The following NBN variants were observed in gnomAD, a reference collection of about 807,000 sequenced individuals.
NBN encodes nibrin, also known as Nijmegen breakage syndrome 1 (nibrin).
A neutral mutation model predicts 90.8 loss-of-function variants in NBN; 88 were observed. The ratio of observed to expected loss-of-function variants is 0.97; its 90% CI spans 0.82 to 1.16. NBN has a LOEUF of 1.16. Ranked by LOEUF, NBN falls within the 50% of genes most tolerant of loss-of-function variation. NBN has a pLI of 0.00. For synonymous variants in NBN, 328 were observed against 295.1 expected, an observed-to-expected ratio of 1.11 and a Z score of -1.14; for missense variants, 894 against 869.6, an observed-to-expected ratio of 1.03 and a Z score of -0.35.
At chr8:89,942,242 A>G (rs1809983768) in intron 14 of NBN, among the ~76,000 whole-genome samples, 1 of 152,194 alleles carries the variant, frequency 6.6e-6, no homozygotes, top group Non-Finnish European at 1.5e-5. Context: ...TGAAGTTTCT[A>G]ATGATAAGCC....
chr8:89,934,758 C>A lies in NBN; in HGVS notation c.*824G>T, dbSNP rs1809586066. 2 of 233,152 alleles carry A rather than the reference C, an allele frequency of 8.6e-6. No individual in the cohort carries two copies. The highest frequency in any genetic ancestry group is 1.8e-4 in the South Asian group (1 of 5,520). 14.4% of individuals were successfully genotyped at this position (233,152 alleles called of 1,614,324 possible). A position where few individuals can be genotyped will look rare whatever the true frequency, so the allele number is the denominator to read the frequency against. ...TCAATAAAGTTTGAAAAAAGACATT[C>A]ATTGTTTCTTACCATCTCCCTTTAA... On this transcript the variant is annotated 3_prime_UTR_variant, in exon 16 of 16. Coordinates refer to ENST00000265433, the MANE Select transcript of NBN (RefSeq NM_002485.5).
chr8:89,984,196 G>A (rs544704193), intron 1 of NBN: 8 of 458,020 alleles, frequency 1.7e-5, no homozygotes, highest in Non-Finnish European at 3.2e-5. Flanking sequence ...CTAGGCGCCT[G>A]CTGCCGCTTA....
chr8:89,940,263 G>GT (rs749458934), intron 14 of NBN, among the ~76,000 whole-genome samples: 3 of 151,660 alleles, frequency 2.0e-5, no homozygotes, highest in African/African-American at 7.3e-5. Flanking sequence ...AATTTGTTGT[G>GT]TTTTTTTGTT....
chr8:89,954,199 T>A (rs1810590218), intron 10 of NBN, among the ~76,000 whole-genome samples: 1 of 152,156 alleles, frequency 6.6e-6, no homozygotes, highest in South Asian at 2.1e-4. Flanking sequence ...TATACAATAC[T>A]GTATCATTCA....
chr8:89,982,819 A>T lies in NBN; in HGVS notation c.74T>A (p.Val25Asp). 6.2e-7 allele frequency: 1 copy of T among 1,613,606 alleles called. No individual in the cohort carries two copies. The highest frequency in any genetic ancestry group is 8.5e-7 in the Non-Finnish European group (1 of 1,179,614). ...AATGGCACAGTTTTTCCTTCCAACA[A>T]CGTACTCAACGCCAGTCAAAAGTCT... ...PYRLLTGVEY[V>D]VGRKNCAILI... Residue 25 changes from valine to aspartate, a missense_variant, in exon 2 of 16, where the codon GTT becomes GAT. Transcript: ENST00000265433.
At chr8:89,978,557 C>T (rs903685315) in intron 4 of NBN, among the ~76,000 whole-genome samples, 1 of 152,048 alleles carries the variant, frequency 6.6e-6, no homozygotes, top group Non-Finnish European at 1.5e-5. Context: ...TAAGAAGTCA[C>T]CGATTATAAT....
rs1262850403 is a variant in NBN at position 89,933,578 on chromosome 8, T to C, written c.*2004A>G. The C allele has an allele frequency of 1.3e-5, 3 of 231,876 alleles. No homozygotes were observed. Among genetic ancestry groups the C allele is most frequent in the Non-Finnish European group, 1.7e-5 (2 of 117,386 alleles). The allele number at this position is 231,876 out of a possible 1,614,324, so 14.4% of individuals were successfully genotyped here. A position where few individuals can be genotyped will look rare whatever the true frequency, so the allele number is the denominator to read the frequency against. On this transcript the variant is annotated 3_prime_UTR_variant, in exon 16 of 16. Transcript: ENST00000265433. ...CAGTGTTACAATGACTGGATACTTG[T>C]ATGGGGGAAAAAAAGAACCCTGATC...
intron 14 of NBN, among the ~76,000 whole-genome samples, chr8:89,939,131 G>T (rs747398910): frequency 8.6e-5 from 13 of 151,990 alleles, no homozygotes; most frequent in Non-Finnish European, 1.2e-4. Context: ...TAAATTCAAG[G>T]GAACTTCAGG....
intron 5 of NBN, among the ~76,000 whole-genome samples, chr8:89,977,291 A>T (rs1811808046): frequency 6.8e-6 from 1 of 146,970 alleles, no homozygotes; most frequent in African/African-American, 2.5e-5. Flanking sequence ...TCATTGTTCC[A>T]CTCCCACTTA....
intron 5 of NBN, among the ~76,000 whole-genome samples, chr8:89,972,328 A>G (rs1805829): frequency 0.064 from 9,702 of 152,280 alleles, 931 homozygotes; most frequent in African/African-American, 0.21. Context: ...TAATTTCACT[A>G]CAATAGATGC....
At chr8:89,947,219 T>C (rs1810231485) in intron 12 of NBN, among the ~76,000 whole-genome samples, 1 of 152,176 alleles carries the variant, frequency 6.6e-6, no homozygotes, top group South Asian at 2.1e-4. Flanking sequence ...TTATAGAGTA[T>C]TTGAGGTTCT....
chr8:89,950,548 C>A (rs1810400381), intron 11 of NBN, among the ~76,000 whole-genome samples: 1 of 151,894 alleles, frequency 6.6e-6, no homozygotes, highest in South Asian at 2.1e-4. Flanking sequence ...ATGAGAGATA[C>A]CGCAATTAAA....
At chr8:89,961,939 G>C (rs573261190) in intron 8 of NBN, among the ~76,000 whole-genome samples, 1 of 152,154 alleles carries the variant, frequency 6.6e-6, no homozygotes, top group Non-Finnish European at 1.5e-5. Flanking sequence ...CTGTGAGAAG[G>C]GGACAGTCAC....
In NBN at chr8:89,947,855, TC is replaced by T; in HGVS notation, c.1882del (p.Glu628LysfsTer29). 1 of 1,583,178 alleles carries T rather than the reference TC, an allele frequency of 6.3e-7. No individual in the cohort carries two copies. The highest frequency in any genetic ancestry group is 8.6e-7 in the Non-Finnish European group (1 of 1,156,168). On this transcript the variant is annotated frameshift_variant, in exon 12 of 16. Coordinates refer to ENST00000265433, the MANE Select transcript of NBN (RefSeq NM_002485.5). LOFTEE classifies it high-confidence loss of function. Reference protein sequence around the residue: ...NEIGKKRELKEDSLWSAKEIS... With the variant: ...NEIGKKRELKXDSLWSAKEIS... ...TTCTTTAGCTGACCATAGTGAGTCTTCCTTGAGTTCACGTTTCTTCCCAATT... is the reference window on the plus strand; with the variant it reads ...TTCTTTAGCTGACCATAGTGAGTCTTCTTGAGTTCACGTTTCTTCCCAATT...
chr8:89,959,492 C>T (rs1810889863), intron 8 of NBN, among the ~76,000 whole-genome samples: 1 of 152,196 alleles, frequency 6.6e-6, no homozygotes, highest in Admixed American at 6.5e-5. Context: ...GTGGTTCACG[C>T]CTGTTATCCC....
chr8:89,982,882 G>A (rs1812143911), intron 1 of NBN, 27 bp from the exon 2 acceptor site: 1 of 1,602,822 alleles, frequency 6.2e-7, no homozygotes, highest in South Asian at 1.1e-5. Flanking sequence ...TTTAAAAAAA[G>A]ATAAGTTGAT....
In NBN at chr8:89,935,546, G is replaced by GGCTTCTTTTTAAA. The variant is rs1168643798; in HGVS notation, c.*35_*36insTTTAAAAAGAAGC. 6.2e-7 allele frequency: 1 copy of GGCTTCTTTTTAAA among 1,609,232 alleles called. No homozygotes were observed. The highest frequency in any genetic ancestry group is 1.3e-5 in the African/African-American group (1 of 74,770). ...GTTGGCCTGAAGTAGATGCTTACTA[G>GGCTTCTTTTTAAA]GAAGTTTTTCCATGGCTTCTTTTTA... On this transcript the variant is annotated 3_prime_UTR_variant, in exon 16 of 16. Transcript: ENST00000265433.
At chr8:89,981,092 G>A (rs1475064657) in intron 3 of NBN, among the ~76,000 whole-genome samples, 199 bp from the exon 4 acceptor site, 1 of 151,970 alleles carries the variant, frequency 6.6e-6, no homozygotes, top group African/African-American at 2.4e-5. Flanking sequence ...CCTAAGTCTT[G>A]AGTCCAAATG....
chr8:89,949,705 T>A (rs1042496482), intron 11 of NBN, among the ~76,000 whole-genome samples: 5 of 152,192 alleles, frequency 3.3e-5, no homozygotes, highest in African/African-American at 1.2e-4. Context: ...AGTTCTACCA[T>A]CAACATCTAT....
Sources: allele counts gnomAD v4.1 joint callset (sites outside exome capture counted in the v4.1 genomes callset), GRCh38; gene constraint gnomAD v4.1.1; transcripts MANE v1.5; gene names NCBI Gene and HGNC (gene_info 2026-07-23, HGNC 2026-07-21).